Variants in EFR3B observed in about 807,000 individuals in gnomAD.
The protein encoded by EFR3B is EFR3 homolog B.
In EFR3B, 64 loss-of-function variants were observed where a neutral mutation model predicts 104.7. The ratio of observed to expected loss-of-function variants is 0.61; its 90% confidence interval spans 0.50 to 0.75. EFR3B has a LOEUF of 0.75. Ranked by LOEUF, EFR3B falls within the 30% of genes least tolerant of loss-of-function variation. The pLI is 0.00. For missense variants in EFR3B, 750 were observed against 1,078.5 expected, an observed-to-expected ratio of 0.70 and a Z score of 4.27; for synonymous variants, 385 against 417.9, an observed-to-expected ratio of 0.92 and a Z score of 0.96.
Position 25,114,184 on chromosome 2 carries a change from C to T in EFR3B, c.364-7489C>T, listed in dbSNP as rs1329846189. The stretch of plus-strand genomic sequence containing the variant: ...CATCAGACCCTCTGAATCACTGTCA[C>T]CAAAATTTCCAGCTTGGCCCCCTCA... On this transcript the variant is annotated intron_variant, in intron 4 of 22. Coordinates refer to ENST00000403714, the MANE Select transcript of EFR3B (RefSeq NM_014971.2). The surrounding 1 kb of genome is among the most constrained non-coding windows in gnomAD (Gnocchi z 4.0). Among the ~76,000 whole-genome samples, 1 of 152,204 alleles carries T rather than the reference C, an allele frequency of 6.6e-6. No homozygotes were observed. The highest frequency in any genetic ancestry group is 2.4e-5 in the African/African-American group (1 of 41,450).
At chr2:25,055,277 A>G (rs1487035095) in intron 1 of EFR3B, among the ~76,000 whole-genome samples, 1 of 152,222 alleles carries the variant, frequency 6.6e-6, no homozygotes, top group East Asian at 1.9e-4. Flanking sequence ...AAATTTCACT[A>G]TTAAAGAACT....
intron 1 of EFR3B, among the ~76,000 whole-genome samples, chr2:25,054,396 A>G (rs1667964580): frequency 6.6e-6 from 1 of 151,226 alleles, no homozygotes; most frequent in African/African-American, 2.4e-5. Context: ...ATCTCACCTC[A>G]CTGCAACTTC....
chr2:25,068,103 AAGGGGAG>A (rs1668387424), intron 1 of EFR3B, among the ~76,000 whole-genome samples: 2 of 152,160 alleles, frequency 1.3e-5, no homozygotes, highest in Admixed American at 1.3e-4. Context: ...TTTCTGAGCC[AAGGGGAG>A]GAAAAGCATC....
At chr2:25,111,685 A>T (rs1226906686) in intron 4 of EFR3B, among the ~76,000 whole-genome samples, 1 of 152,220 alleles carries the variant, frequency 6.6e-6, no homozygotes, top group Non-Finnish European at 1.5e-5. Context: ...GGGTCATTAT[A>T]AGAGGGACGC....
At chr2:25,084,910 C>G (rs1017161886) in intron 1 of EFR3B, among the ~76,000 whole-genome samples, 24 of 152,220 alleles carry the variant, frequency 1.6e-4, no homozygotes, top group Non-Finnish European at 3.5e-4. Context: ...CAGGTTGGCC[C>G]TAAGCAGTTC....
intron 16 of EFR3B, 46 bp from the exon 17 acceptor site, chr2:25,141,320 C>G (rs2149210297): frequency 1.3e-6 from 2 of 1,543,732 alleles, no homozygotes; most frequent in East Asian, 2.5e-5. Flanking sequence ...TGTGAGCTCC[C>G]TCTCCCTGCT....
chr2:25,106,458 T>C (rs1389349976), intron 4 of EFR3B, among the ~76,000 whole-genome samples: 1 of 83,394 alleles, frequency 1.2e-5, no homozygotes, highest in African/African-American at 3.4e-5. Context: ...CCCAGCTAAT[T>C]TTTTTTTTTT....
intron 1 of EFR3B, among the ~76,000 whole-genome samples, chr2:25,055,570 C>G (rs1667995074): frequency 6.6e-6 from 1 of 152,214 alleles, no homozygotes; most frequent in Non-Finnish European, 1.5e-5. Flanking sequence ...CCCATCCCAC[C>G]CTTGTCGTAG....
chr2:25,138,417 T>G (rs1670578248), intron 15 of EFR3B, among the ~76,000 whole-genome samples: 1 of 151,664 alleles, frequency 6.6e-6, no homozygotes, highest in African/African-American at 2.4e-5. Flanking sequence ...CTACTGGGAG[T>G]CAGGGTGGGT....
chr2:25,070,243 C>T (rs888293967), intron 1 of EFR3B, among the ~76,000 whole-genome samples: 3 of 152,050 alleles, frequency 2.0e-5, no homozygotes, highest in South Asian at 2.1e-4. Context: ...CTGTGATTAC[C>T]GGGGGCTTCT....
rs74261312 is a variant in EFR3B, at chr2:25,134,513, C to T, written c.1312-954C>T. Among the ~76,000 whole-genome samples, 2,799 of 152,234 alleles carry T rather than the reference C, an allele frequency of 0.018. 204 individuals are homozygous for T. The East Asian group carries it at 0.26, about 14-fold the overall frequency. On this transcript the variant is annotated intron_variant, in intron 12 of 22. Transcript: ENST00000403714. ...ACAACCAGATTTCAAACTTCTCAGA[C>T]TGAAGTTGGGAGGTCCCCAGTCCCC... is the stretch of plus-strand genomic sequence containing the variant.
intron 3 of EFR3B, among the ~76,000 whole-genome samples, chr2:25,099,571 A>C (rs1669375102): frequency 1.3e-5 from 2 of 151,666 alleles, no homozygotes; most frequent in African/African-American, 4.8e-5. Context: ...TGGAAAAGAA[A>C]ATTTCAGCAT....
rs1010368150 is a variant in EFR3B at position 25,154,070 on chromosome 2, T to C, written c.2349-165T>C. Among the ~76,000 whole-genome samples the C allele has an allele frequency of 2.0e-5, 3 of 152,244 alleles. No homozygotes were observed. Among genetic ancestry groups the C allele is most frequent in the African/African-American group, 7.2e-5 (3 of 41,466 alleles). On this transcript the variant is annotated intron_variant, in intron 22 of 22. Transcript: ENST00000403714. This position sits in a 1 kb window ranked among gnomAD's most constrained non-coding sequence, Gnocchi z 4.1. ...CCTGCAGGGAAGCTTGACTCCAAGC[T>C]GTAGATTCTAGTAGAACGTGGAATC...
At chr2:25,116,399 A>C (rs1321753847) in intron 4 of EFR3B, among the ~76,000 whole-genome samples, 1 of 152,150 alleles carries the variant, frequency 6.6e-6, no homozygotes, top group Non-Finnish European at 1.5e-5. Context: ...CAAGGCAGGC[A>C]GATTGCTTGA....
chr2:25,134,085 C>G (rs1279939829), intron 12 of EFR3B, among the ~76,000 whole-genome samples: 1 of 152,212 alleles, frequency 6.6e-6, no homozygotes, highest in East Asian at 1.9e-4. Flanking sequence ...ACCACCTCTC[C>G]CCACCTGTCA....
At chr2:25,088,984 C>T (rs3856390) in intron 1 of EFR3B, among the ~76,000 whole-genome samples, 2 of 152,196 alleles carry the variant, frequency 1.3e-5, no homozygotes, top group African/African-American at 4.8e-5. Context: ...TTCCCGCCCA[C>T]CATGGGCCCT....
At chr2:25,149,435 G>A (rs1257711955) in intron 19 of EFR3B, among the ~76,000 whole-genome samples, 2 of 152,320 alleles carry the variant, frequency 1.3e-5, no homozygotes, top group East Asian at 3.9e-4. Flanking sequence ...GGGACAGTGT[G>A]TTCTTTTATG....
At chr2:25,139,529 C>T (rs1471417280) in intron 16 of EFR3B, among the ~76,000 whole-genome samples, 4 of 151,484 alleles carry the variant, frequency 2.6e-5, no homozygotes, top group African/African-American at 4.9e-5. Flanking sequence ...TATGAAATAC[C>T]GCAAAAGTGA....
chr2:25,145,935 C>T (rs1481164019), intron 19 of EFR3B: 5 of 151,964 alleles, frequency 3.3e-5, no homozygotes, highest in African/African-American at 4.8e-5. Flanking sequence ...CACTGGGGTT[C>T]GCCCTCAGCG....
Sources: allele counts gnomAD v4.1 joint callset (sites outside exome capture counted in the v4.1 genomes callset), GRCh38; gene constraint gnomAD v4.1.1; non-coding constraint Gnocchi (gnomAD v3.1); transcripts MANE v1.5; gene names NCBI Gene and HGNC (gene_info 2026-07-23, HGNC 2026-07-21).